Variants in TMEM117 observed in about 807,000 individuals in gnomAD.
The protein encoded by TMEM117 is transmembrane protein 117.
A neutral mutation model predicts 52.4 loss-of-function variants in TMEM117; 27 were observed. The observed-to-expected ratio is 0.51, with a 90% confidence interval of 0.38 to 0.71. The LOEUF (loss-of-function observed/expected upper bound fraction) is 0.71. Among genes scored for constraint, TMEM117 ranks in the 30% least tolerant of loss-of-function variants. The probability of loss-of-function intolerance (pLI) is 0.00; values close to 1 mark genes in which losing one functional copy is unlikely to be tolerated. For missense variants in TMEM117, 556 were observed against 630.5 expected (o/e 0.88, Z 1.26); for synonymous variants, 215 against 206.3 (o/e 1.04, Z -0.36).
chr12:43,968,887 T>A (rs774162277), intron 3 of TMEM117, among the ~76,000 whole-genome samples: 9 of 152,338 alleles, frequency 5.9e-5, no homozygotes, highest in Non-Finnish European at 1.3e-4. Flanking sequence ...GGGGAAATAA[T>A]TCTTATTAAA....
chr12:44,217,761 G>A (rs984382405), intron 5 of TMEM117, among the ~76,000 whole-genome samples: 2 of 152,188 alleles, frequency 1.3e-5, no homozygotes, highest in Non-Finnish European at 2.9e-5. Context: ...GTCTCTATGT[G>A]TAAGCTGGAC....
intron 5 of TMEM117, among the ~76,000 whole-genome samples, chr12:44,236,778 C>T (rs1238022850): frequency 1.3e-5 from 2 of 152,012 alleles, no homozygotes; most frequent in Non-Finnish European, 2.9e-5. Flanking sequence ...CTAGATGCTA[C>T]AGATTTTCGT....
chr12:44,047,017 G>T (rs1946890364), intron 3 of TMEM117, among the ~76,000 whole-genome samples: 2 of 152,084 alleles, frequency 1.3e-5, no homozygotes, highest in Admixed American at 6.5e-5. Flanking sequence ...ACTTGTGATG[G>T]TTAATACTGA....
intron 5 of TMEM117, among the ~76,000 whole-genome samples, chr12:44,228,429 T>C (rs1389603732): frequency 2.0e-5 from 3 of 152,124 alleles, no homozygotes; most frequent in Admixed American, 6.6e-5. Context: ...ATCGAACATA[T>C]GTGGAAAAAA....
At chr12:44,209,657 T>A (rs1287880178) in intron 4 of TMEM117, among the ~76,000 whole-genome samples, 1 of 152,258 alleles carries the variant, frequency 6.6e-6, no homozygotes, top group Non-Finnish European at 1.5e-5. Context: ...AGAGCCTACA[T>A]AAATCTGTAG....
chr12:43,988,789 A>C (rs1167304812), intron 3 of TMEM117, among the ~76,000 whole-genome samples: 1 of 152,142 alleles, frequency 6.6e-6, no homozygotes, highest in African/African-American at 2.4e-5. Context: ...AATAAATATG[A>C]GGCTGCTCTG....
chr12:43,797,468 A>T, the TMEM117 span: 1 of 1,556,214 alleles, frequency 6.4e-7, no homozygotes. Flanking sequence ...AATAAGAAAC[A>T]AAATATGTTC....
At chr12:44,379,024 C>T (rs1016362475) in intron 7 of TMEM117, among the ~76,000 whole-genome samples, 4 of 151,930 alleles carry the variant, frequency 2.6e-5, no homozygotes, top group African/African-American at 9.7e-5. Context: ...TGGCTCACAC[C>T]TATAGTCCTG....
In TMEM117 at chr12:43,939,259, A is replaced by G. The variant is rs148826753; in HGVS notation, c.278-4951A>G. ...TTTCTTGTATATATGGGTGGGCCAA[A>G]TCATATATAGGTTGGCCAAATCATA... On this transcript the variant is annotated intron_variant, in intron 2 of 7. Coordinates refer to ENST00000266534, the MANE Select transcript of TMEM117 (RefSeq NM_032256.3). Among the ~76,000 whole-genome samples the G allele has an allele frequency of 1.7e-3, 254 of 152,290 alleles. 3 individuals carry two copies. The highest frequency in any genetic ancestry group is 0.011 in the East Asian group (57 of 5,180).
intron 4 of TMEM117, among the ~76,000 whole-genome samples, chr12:44,173,918 T>C (rs1949083577): frequency 6.6e-6 from 1 of 152,112 alleles, no homozygotes; most frequent in Non-Finnish European, 1.5e-5. Flanking sequence ...AAATGATGAA[T>C]TATTTATTTC....
intron 3 of TMEM117, among the ~76,000 whole-genome samples, chr12:44,057,515 A>T (rs1947074819): frequency 1.3e-5 from 2 of 152,150 alleles, no homozygotes; most frequent in African/African-American, 4.8e-5. Context: ...CTGAGTTAGC[A>T]TATAGTGGCA....
intron 7 of TMEM117, among the ~76,000 whole-genome samples, chr12:44,382,473 C>G (rs1952034129): frequency 6.6e-6 from 1 of 152,138 alleles, no homozygotes; most frequent in African/African-American, 2.4e-5. Context: ...CACATTGTCT[C>G]AGAGTTTACA....
intron 3 of TMEM117, among the ~76,000 whole-genome samples, chr12:43,971,914 T>C (rs1454174875): frequency 6.6e-6 from 1 of 152,186 alleles, no homozygotes; most frequent in African/African-American, 2.4e-5. Context: ...CAGTTCCCCA[T>C]CCCTCCAGCC....
intron 6 of TMEM117, among the ~76,000 whole-genome samples, chr12:44,326,421 C>T (rs532432697): frequency 1.3e-5 from 2 of 152,206 alleles, no homozygotes; most frequent in South Asian, 2.1e-4. Flanking sequence ...TGTCCAGAGA[C>T]CAACATCCAG....
chr12:43,995,690 G>C (rs957799650), intron 3 of TMEM117, among the ~76,000 whole-genome samples: 1 of 152,144 alleles, frequency 6.6e-6, no homozygotes, highest in Non-Finnish European at 1.5e-5. Flanking sequence ...CCTCCCATTA[G>C]ATAATGCTAG....
intron 2 of TMEM117, among the ~76,000 whole-genome samples, chr12:43,911,550 T>C (rs1944501906): frequency 6.7e-6 from 1 of 148,836 alleles, no homozygotes; most frequent in Non-Finnish European, 1.5e-5. Flanking sequence ...ACCATCAGAG[T>C]GAACAGGCAA....
At chr12:43,830,452 CAAA>C in the TMEM117 span, among the ~76,000 whole-genome samples, 1 of 150,444 alleles carries the variant, frequency 6.6e-6, no homozygotes, top group African/African-American at 2.4e-5. Flanking sequence ...ACTAAAAATA[CAAA>C]AAAAATTAGC....
intron 6 of TMEM117, among the ~76,000 whole-genome samples, chr12:44,359,272 T>C (rs1951691154): frequency 6.6e-6 from 1 of 151,840 alleles, no homozygotes; most frequent in South Asian, 2.1e-4. Context: ...TGTATATATA[T>C]ATATGTGTGC....
chr12:44,180,222 CCATCAT>C (rs571227123), intron 4 of TMEM117, among the ~76,000 whole-genome samples: 1 of 151,758 alleles, frequency 6.6e-6, no homozygotes, highest in East Asian at 1.9e-4. Context: ...ATCACCATCA[CCATCAT>C]CATCATCATC....
Sources: allele counts gnomAD v4.1 joint callset (sites outside exome capture counted in the v4.1 genomes callset), GRCh38; gene constraint gnomAD v4.1.1; transcripts MANE v1.5; gene names NCBI Gene and HGNC (gene_info 2026-07-23, HGNC 2026-07-21).